Variants in TENT2 observed in about 807,000 individuals in gnomAD.
TENT2 encodes the protein poly(A) RNA polymerase GLD2.
In TENT2, 44 loss-of-function variants were observed where a neutral mutation model predicts 72.2. The ratio of observed to expected loss-of-function variants is 0.61; its 90% confidence interval spans 0.48 to 0.78. The LOEUF is 0.78. Ranked by LOEUF, TENT2 falls within the 30% of genes least tolerant of loss-of-function variation. The pLI is 0.00. For synonymous variants in TENT2, 212 were observed against 192.5 expected, an observed-to-expected ratio of 1.10 and a Z score of -0.84; for missense variants, 541 against 569.6, an observed-to-expected ratio of 0.95 and a Z score of 0.51.
At chr5:79,632,787 A>G (rs534624693) in intron 4 of TENT2, among the ~76,000 whole-genome samples, 59 of 152,222 alleles carry the variant, frequency 3.9e-4, no homozygotes, top group Non-Finnish European at 7.3e-4. Context: ...TTTGTCAGAA[A>G]AATTCAAAAA....
intron 4 of TENT2, among the ~76,000 whole-genome samples, chr5:79,626,625 A>AT (rs564494148): frequency 0.32 from 42,758 of 134,388 alleles, 8,738 homozygotes; most frequent in African/African-American, 0.59. Context: ...AATGTTTTTA[A>AT]TTTTTTTTTT....
At chr5:79,643,043 A>C (rs1785680481) in intron 7 of TENT2, 133 bp downstream of exon 7, 3 of 1,180,796 alleles carry the variant, frequency 2.5e-6, no homozygotes, top group Non-Finnish European at 3.3e-6. Flanking sequence ...TTTCCAAATG[A>C]ATTTCTTTTA....
intron 8 of TENT2, among the ~76,000 whole-genome samples, chr5:79,647,927 T>A (rs1190574711): frequency 1.3e-5 from 2 of 152,216 alleles, no homozygotes; most frequent in African/African-American, 4.8e-5. Flanking sequence ...TAGCCAAATT[T>A]GACATGATAC....
In TENT2 at chr5:79,685,375, C is replaced by G. The variant is rs1018822145; in HGVS notation, c.*102C>G. On this transcript the variant is annotated 3_prime_UTR_variant, in exon 15 of 15. Coordinates refer to ENST00000453514, the MANE Select transcript of TENT2 (RefSeq NM_001114394.3). The stretch of plus-strand genomic sequence containing the variant: ...CATCATAGTTGCTTTTTTCATAGTT[C>G]TTGTTTTCATGTTTTATTTTTAAAA... 1.3e-6 allele frequency: 1 copy of G among 744,932 alleles called. No individual in the cohort carries two copies. 46.1% of individuals were successfully genotyped at this position (744,932 alleles called of 1,614,324 possible). A position where few individuals can be genotyped will look rare whatever the true frequency, so the allele number is the denominator to read the frequency against.
At chr5:79,639,403 C>G (rs773593320) in intron 4 of TENT2, among the ~76,000 whole-genome samples, 23 of 151,644 alleles carry the variant, frequency 1.5e-4, no homozygotes, top group Non-Finnish European at 2.5e-4. Flanking sequence ...ACTTGAAATA[C>G]TCCAATTTTA....
intron 4 of TENT2, among the ~76,000 whole-genome samples, chr5:79,631,767 T>C (rs1455415586): frequency 6.6e-6 from 1 of 152,132 alleles, no homozygotes; most frequent in African/African-American, 2.4e-5. Flanking sequence ...TTGACCACTC[T>C]GGAAAGAAAA....
chr5:79,685,447 C>T lies in TENT2; in HGVS notation c.*174C>T. ...TTTATTATGACATTTCCTAATAAAC[C>T]CCTTTGATTTAAAAATGTATTTTTA... On this transcript the variant is annotated 3_prime_UTR_variant, in exon 15 of 15. Transcript: ENST00000453514. 1 of 435,368 alleles carries T rather than the reference C, an allele frequency of 2.3e-6. No homozygotes were observed. The highest frequency in any genetic ancestry group is 3.9e-5 in the East Asian group (1 of 25,806). 27.0% of individuals were successfully genotyped at this position (435,368 alleles called of 1,614,324 possible). A position where few individuals can be genotyped will look rare whatever the true frequency, so the allele number is the denominator to read the frequency against.
At chr5:79,615,571 A>G in intron 1 of TENT2, among the ~76,000 whole-genome samples, 1 of 152,192 alleles carries the variant, frequency 6.6e-6, no homozygotes, top group East Asian at 1.9e-4. Context: ...AATCCTATGA[A>G]GTAGGATCCT....
At chr5:79,683,041 G>A (rs1823280694) in intron 14 of TENT2, among the ~76,000 whole-genome samples, 1 of 151,982 alleles carries the variant, frequency 6.6e-6, no homozygotes, top group African/African-American at 2.4e-5. Flanking sequence ...TAAAATGCAA[G>A]TATTGAGGCA....
At chr5:79,648,347 G>T (rs566510687) in intron 8 of TENT2, among the ~76,000 whole-genome samples, 1 of 152,166 alleles carries the variant, frequency 6.6e-6, no homozygotes, top group South Asian at 2.1e-4. Flanking sequence ...TTTATTTGGG[G>T]TAATTGGAGC....
chr5:79,669,024 T>C lies in TENT2; in HGVS notation c.1204T>C (p.Phe402Leu). 6.2e-7 allele frequency: 1 copy of C among 1,613,508 alleles called. No individual in the cohort carries two copies. The highest frequency in any genetic ancestry group is 8.5e-7 in the Non-Finnish European group (1 of 1,179,712). The change falls in exon 12 of 15, where the codon TTT becomes CTT. Residue 402 changes from phenylalanine to leucine, a missense_variant. Transcript: ENST00000453514. ...LGFLKYYATE[F>L]DWNSQMISVR... ...CTTTCTTAAATATTATGCTACAGAATTTGAGTAAGTAAAACTTTAAATTGT... is the reference window on the plus strand; with the variant it reads ...CTTTCTTAAATATTATGCTACAGAACTTGAGTAAGTAAAACTTTAAATTGT...
rs1763539554 is a variant in TENT2, at chr5:79,620,091, C to T, written c.227+8C>T. 6.4e-7 allele frequency: 1 copy of T among 1,560,836 alleles called. No individual in the cohort carries two copies. Among genetic ancestry groups the T allele is most frequent in the Non-Finnish European group, 8.8e-7 (1 of 1,135,624 alleles). On this transcript the variant is annotated splice_region_variant and intron_variant, in intron 3 of 14. Coordinates refer to ENST00000453514, the MANE Select transcript of TENT2 (RefSeq NM_001114394.3). ...ATTATTTCGAGGAAGGAAGTAAGTA[C>T]TTCTTAATTATTTTAAAAGAATATT...
In TENT2 at chr5:79,623,587, C is replaced by T. The variant is rs188280761; in HGVS notation, c.465+98C>T. The T allele has an allele frequency of 9.1e-4, 748 of 821,000 alleles. 3 individuals carry two copies. In the African/African-American group the frequency reaches 0.012, roughly 13 times the overall value. The allele number at this position is 821,000 out of a possible 1,614,324, so 50.9% of individuals were successfully genotyped here. ...AATATCCTGGATTAAGTAGAACGTGCCTTTTTTTGTTGCAATGTTTAAAGT... is the reference window on the plus strand; with the variant it reads ...AATATCCTGGATTAAGTAGAACGTGTCTTTTTTTGTTGCAATGTTTAAAGT... On this transcript the variant is annotated intron_variant, in intron 4 of 14. Coordinates refer to ENST00000453514, the MANE Select transcript of TENT2 (RefSeq NM_001114394.3).
intron 3 of TENT2, among the ~76,000 whole-genome samples, chr5:79,621,765 A>AC (rs200477616): frequency 0.2 from 30,518 of 151,454 alleles, 4,572 homozygotes; most frequent in African/African-American, 0.41. Context: ...CTCAAAAAAA[A>AC]AAAAAAACAA....
chr5:79,659,844 C>T (rs994289728), intron 11 of TENT2, among the ~76,000 whole-genome samples: 2 of 151,002 alleles, frequency 1.3e-5, no homozygotes, highest in African/African-American at 2.4e-5. Flanking sequence ...TTGCTTATTA[C>T]ATTTTATTTG....
chr5:79,641,534 T>C (rs1030835593), intron 6 of TENT2, among the ~76,000 whole-genome samples: 1 of 151,900 alleles, frequency 6.6e-6, no homozygotes, highest in Non-Finnish European at 1.5e-5. Flanking sequence ...GGCAATATTA[T>C]CTTCTTGATG....
intron 11 of TENT2, among the ~76,000 whole-genome samples, chr5:79,659,531 CA>C (rs1291285987): frequency 0.078 from 700 of 8,970 alleles, 4 homozygotes; most frequent in Middle Eastern, 0.2. Flanking sequence ...GACTCTGTCT[CA>C]AAAAAAAAAA....
chr5:79,656,237 GTTAA>G (rs1554085506), intron 10 of TENT2, among the ~76,000 whole-genome samples: 7 of 111,676 alleles, frequency 6.3e-5, no homozygotes, highest in Non-Finnish European at 1.1e-4. Context: ...TAAAATTACT[GTTAA>G]TTAATGAGAT....
At chr5:79,656,562 A>G (rs552059822) in intron 10 of TENT2, among the ~76,000 whole-genome samples, 1 of 152,126 alleles carries the variant, frequency 6.6e-6, no homozygotes. Flanking sequence ...ATTGAACTGT[A>G]TTTTTAAAAT....
Sources: gnomAD v4.1 joint callset for allele counts (sites outside exome capture counted in the v4.1 genomes callset) on GRCh38, gnomAD v4.1.1 for gene constraint, MANE v1.5 for transcripts, NCBI Gene and HGNC (gene_info 2026-07-23, HGNC 2026-07-21) for gene names.